The following ZNF880 variants were observed in gnomAD, a reference collection of about 807,000 sequenced individuals.
ZNF880 encodes zinc finger protein 880.
Under a neutral mutation model 11.8 loss-of-function variants are expected in ZNF880, and 12 were observed. That is an observed-to-expected ratio of 1.02 (90% CI 0.65 to 1.65). The LOEUF (loss-of-function observed/expected upper bound fraction) is 1.65, where lower values mean the gene tolerates loss of function less well. Ranked by LOEUF, ZNF880 falls within the 40% of genes most tolerant of loss-of-function variation. ZNF880 has a pLI of 0.00. For synonymous variants in ZNF880, 210 were observed against 232.4 expected (o/e 0.90, Z 0.88); for missense variants, 601 against 673.9 (o/e 0.89, Z 1.20).
chr19:52,376,457 A>G (rs927649338), intron 3 of ZNF880, among the ~76,000 whole-genome samples: 4 of 102,770 alleles, frequency 3.9e-5, no homozygotes, highest in Non-Finnish European at 8.0e-5. Context: ...CCATTTCTGT[A>G]TTTTCTTTTG....
At chr19:52,367,059 A>T, upstream of ZNF880, 1 of 361,648 alleles carries the variant, frequency 2.8e-6, no homozygotes, top group Non-Finnish European at 4.9e-6. Flanking sequence ...GTAATTTGTA[A>T]CTCTTTGATT....
At chr19:52,371,244 A>G (rs1196320730) in intron 1 of ZNF880, among the ~76,000 whole-genome samples, 2 of 152,168 alleles carry the variant, frequency 1.3e-5, no homozygotes, top group African/African-American at 4.8e-5. Context: ...ATGGGGATAC[A>G]TGTGCGACAG....
intron 3 of ZNF880, among the ~76,000 whole-genome samples, chr19:52,382,986 T>C (rs755226181): frequency 3.3e-5 from 5 of 152,210 alleles, no homozygotes; most frequent in African/African-American, 7.2e-5. Context: ...TTCTTTTTGC[T>C]CTTTGGAGCT....
At chr19:52,368,064 G>A (rs1176210506), upstream of ZNF880, among the ~76,000 whole-genome samples, 2 of 151,734 alleles carry the variant, frequency 1.3e-5, no homozygotes, top group African/African-American at 2.4e-5. Context: ...AAATTAGCTG[G>A]GCCTGGTGGT....
chr19:52,374,660 T>C (rs917807165), intron 3 of ZNF880: 11 of 664,116 alleles, frequency 1.7e-5, no homozygotes, highest in Non-Finnish European at 1.6e-5. Context: ...AGTTTCTGTT[T>C]GGGAGCTCTC....
chr19:52,395,137 C>T, the ZNF880 span, among the ~76,000 whole-genome samples: 14,130 of 151,946 alleles, frequency 0.093, 769 homozygotes, highest in East Asian at 0.23. Flanking sequence ...TTTTTTTTGT[C>T]CTGTCCTCAG....
rs372080179 is a variant in ZNF880 at position 52,376,493 on chromosome 19, ACCGCCCC to A, written c.268+2069_268+2075del. Reference sequence around the variant, plus strand: ...ACAATTGTCTATTCATGTCCTTAGCACCGCCCCCCCCCCCCCTTTTTTTTTTTTTTTT... The same window carrying A: ...ACAATTGTCTATTCATGTCCTTAGCACCCCCCCCCTTTTTTTTTTTTTTTT... On this transcript the variant is annotated intron_variant, in intron 3 of 3. Transcript: ENST00000422689. 7.1e-3 allele frequency among the ~76,000 whole-genome samples: 746 copies of A among 104,384 alleles called. 18 individuals are homozygous for A. Among genetic ancestry groups the A allele is most frequent in the East Asian group, 0.068 (190 of 2,800 alleles). 68.5% of individuals were successfully genotyped at this position (104,384 alleles called of 152,430 possible).
chr19:52,392,862 T>C, the ZNF880 span: 1 of 167,938 alleles, frequency 6.0e-6, no homozygotes, highest in South Asian at 2.0e-4. Context: ...CTTGCTCTGT[T>C]AGCCAGGTTG....
chr19:52,373,082 CT>C (rs1986436341), intron 1 of ZNF880, 28 bp from the exon 2 acceptor site: 1 of 1,609,776 alleles, frequency 6.2e-7, no homozygotes, highest in Admixed American at 1.7e-5. Flanking sequence ...GTGTGATATC[CT>C]GTTGGTGAAA....
chr19:52,375,239 G>T (rs542336206), intron 3 of ZNF880, among the ~76,000 whole-genome samples: 1 of 151,224 alleles, frequency 6.6e-6, no homozygotes, highest in Non-Finnish European at 1.5e-5. Context: ...CAGGCTGGAG[G>T]GCAGTGGCAC....
In ZNF880 at chr19:52,385,564, T is replaced by A. The variant is rs1468270248; in HGVS notation, c.*250T>A. The stretch of plus-strand genomic sequence containing the variant: ...TGAAACCATACAGATGGATTATGTA[T>A]GCTGAGGCTATTATTCAAGGACCAT... On this transcript the variant is annotated 3_prime_UTR_variant, in exon 4 of 4. Transcript: ENST00000422689. The A allele has an allele frequency of 2.7e-6, 1 of 363,814 alleles. No homozygotes were observed. The highest frequency in any genetic ancestry group is 4.8e-6 in the Non-Finnish European group (1 of 208,498). The allele number at this position is 363,814 out of a possible 1,614,324, so 22.5% of individuals were successfully genotyped here.
chr19:52,373,998 CCT>C (rs1477706254), intron 2 of ZNF880, among the ~76,000 whole-genome samples: 1 of 151,896 alleles, frequency 6.6e-6, no homozygotes, highest in East Asian at 1.9e-4. Context: ...TTTATAATAT[CCT>C]CTCTCCTACC....
chr19:52,372,090 G>A (rs559346225), intron 1 of ZNF880, among the ~76,000 whole-genome samples: 1 of 151,768 alleles, frequency 6.6e-6, no homozygotes, highest in African/African-American at 2.4e-5. Flanking sequence ...TCGGGAGGCT[G>A]AGGCAGAAGA....
intron 3 of ZNF880, among the ~76,000 whole-genome samples, chr19:52,375,612 T>A (rs1319165945): frequency 6.6e-6 from 1 of 152,160 alleles, no homozygotes; most frequent in Non-Finnish European, 1.5e-5. Context: ...CCGAGCATTG[T>A]ACGCTACATT....
chr19:52,388,031 C>T (rs1185535143), downstream of ZNF880, among the ~76,000 whole-genome samples: 1 of 138,948 alleles, frequency 7.2e-6, no homozygotes, highest in Non-Finnish European at 1.5e-5. Context: ...AGGCGCGCAC[C>T]ACCACGCCCG....
chr19:52,388,129 C>T (rs535367538), downstream of ZNF880, among the ~76,000 whole-genome samples: 19 of 107,046 alleles, frequency 1.8e-4, 1 homozygote, highest in South Asian at 7.5e-4. Context: ...CCACCCGCCT[C>T]GGACTCCCAA....
downstream of ZNF880, among the ~76,000 whole-genome samples, chr19:52,388,440 G>A (rs1218169058): frequency 6.6e-6 from 1 of 151,018 alleles, no homozygotes; most frequent in Non-Finnish European, 1.5e-5. Flanking sequence ...ACCACGCCCA[G>A]CTAATTTTTG....
At chr19:52,376,969 T>C (rs2122373595) in intron 3 of ZNF880, among the ~76,000 whole-genome samples, 1 of 152,350 alleles carries the variant, frequency 6.6e-6, no homozygotes, top group African/African-American at 2.4e-5. Context: ...TTTCTTTTGC[T>C]GTGTCATAGG....
chr19:52,396,119 T>TA, the ZNF880 span, among the ~76,000 whole-genome samples: 34 of 92,258 alleles, frequency 3.7e-4, no homozygotes, highest in Non-Finnish European at 7.2e-4. Flanking sequence ...CATGCCTGGC[T>TA]AATTTTTTTT....
Sources: gnomAD v4.1 joint callset for allele counts (sites outside exome capture counted in the v4.1 genomes callset) on GRCh38, gnomAD v4.1.1 for gene constraint, MANE v1.5 for transcripts, NCBI Gene and HGNC (gene_info 2026-07-23, HGNC 2026-07-21) for gene names.